The following VEPH1 variants were observed in gnomAD, a reference collection of about 807,000 sequenced individuals.
VEPH1 encodes ventricular zone expressed PH domain containing 1, also known as ventricular zone-expressed PH domain-containing protein homolog 1.
A neutral mutation model predicts 85.2 loss-of-function variants in VEPH1; 80 were observed. The ratio of observed to expected loss-of-function variants is 0.94; its 90% confidence interval spans 0.78 to 1.13. The LOEUF is 1.13. Ranked by LOEUF, VEPH1 falls within the 50% of genes most tolerant of loss-of-function variation. The pLI is 0.00. For missense variants in VEPH1, 955 were observed against 980.5 expected (o/e 0.97, Z 0.35); for synonymous variants, 297 against 348.0 (o/e 0.85, Z 1.63).
At chr3:157,385,890 C>T (rs60515336) in intron 6 of VEPH1, among the ~76,000 whole-genome samples, 10,244 of 152,126 alleles carry the variant, frequency 0.067, 510 homozygotes, top group South Asian at 0.19. Flanking sequence ...AAATATTAAG[C>T]ATTAGTCATT....
chr3:157,389,340 C>CA (rs533998108), intron 6 of VEPH1, among the ~76,000 whole-genome samples: 39 of 150,904 alleles, frequency 2.6e-4, no homozygotes, highest in African/African-American at 3.4e-4. Flanking sequence ...CAAAAACAAA[C>CA]AAAAAAAAGC....
At chr3:157,275,898 A>G (rs1437730271) in intron 12 of VEPH1, among the ~76,000 whole-genome samples, 2 of 152,118 alleles carry the variant, frequency 1.3e-5, no homozygotes, top group Admixed American at 1.3e-4. Context: ...GCAAACTATA[A>G]TTCCAGAGGA....
At chr3:157,294,719 GA>G in intron 11 of VEPH1, among the ~76,000 whole-genome samples, 1 of 152,318 alleles carries the variant, frequency 6.6e-6, no homozygotes, top group African/African-American at 2.4e-5. Context: ...TTAGGGCTGT[GA>G]AAATATTTTT....
intron 12 of VEPH1, among the ~76,000 whole-genome samples, chr3:157,267,102 C>CTTTTTTTTTTTTTT (rs10537483): frequency 9.6e-5 from 12 of 124,668 alleles, no homozygotes; most frequent in East Asian, 2.3e-4. Flanking sequence ...TCTTTTTTTT[C>CTTTTTTTTTTTTTT]TTTTTTTTTT....
At chr3:157,457,513 G>A (rs1735481756) in intron 4 of VEPH1, among the ~76,000 whole-genome samples, 1 of 152,138 alleles carries the variant, frequency 6.6e-6, no homozygotes, top group Non-Finnish European at 1.5e-5. Flanking sequence ...TGTTGGCTGT[G>A]GGTTTGCCAT....
intron 6 of VEPH1, among the ~76,000 whole-genome samples, chr3:157,388,868 A>T (rs1008652624): frequency 6.6e-6 from 1 of 152,194 alleles, no homozygotes. Flanking sequence ...GCCACTTTAT[A>T]TAAGTGATTT....
chr3:157,341,302 A>G (rs1202029106), intron 9 of VEPH1, among the ~76,000 whole-genome samples: 5 of 152,220 alleles, frequency 3.3e-5, no homozygotes. Context: ...AGGGCCAACT[A>G]GAATAACCAG....
At chr3:157,339,170 T>C (rs1382854867) in intron 9 of VEPH1, among the ~76,000 whole-genome samples, 1 of 152,204 alleles carries the variant, frequency 6.6e-6, no homozygotes, top group Non-Finnish European at 1.5e-5. Context: ...GTGGAGGTTA[T>C]TGGAAAACCA....
chr3:157,438,069 A>ACACACACACACACACACC (rs1237245016), intron 4 of VEPH1, among the ~76,000 whole-genome samples: 4 of 149,558 alleles, frequency 2.7e-5, no homozygotes, highest in Non-Finnish European at 5.9e-5. Context: ...ACACACACAC[A>ACACACACACACACACACC]CACCCCTATT....
chr3:157,483,040 A>G (rs1343216116), intron 2 of VEPH1, among the ~76,000 whole-genome samples: 15 of 151,856 alleles, frequency 9.9e-5, no homozygotes, highest in Admixed American at 9.2e-4. Context: ...CCACATAGTT[A>G]TTACTGTTAT....
chr3:157,499,690 G>A (rs1739951810), intron 1 of VEPH1: 1 of 152,164 alleles, frequency 6.6e-6, no homozygotes, highest in Non-Finnish European at 1.5e-5. Context: ...TCCAGTAAAG[G>A]AGAGTTGTTT....
At chr3:157,314,330 C>CAAAAAAAAAAAAAAAAAAAAAAAA (rs34703314) in intron 10 of VEPH1, among the ~76,000 whole-genome samples, 7 of 43,204 alleles carry the variant, frequency 1.6e-4, no homozygotes, top group Non-Finnish European at 2.5e-4. Flanking sequence ...GAGGATCCGT[C>CAAAAAAAAAAAAAAAAAAAAAAAA]AAAAAAAAAA....
chr3:157,381,358 G>T lies in VEPH1; in HGVS notation c.925C>A (p.Leu309Met). 1 of 1,614,142 alleles carries T rather than the reference G, an allele frequency of 6.2e-7. No individual in the cohort carries two copies. Among genetic ancestry groups the T allele is most frequent in the African/African-American group, 1.3e-5 (1 of 75,036 alleles). ...HVDEERARSC[L>M]TYLVSQLANM... is the part of the protein sequence containing the mutation. ...GCCAGTTGGCTCACCAGGTATGTCA[G>T]GCAGCTCCTGGCTCTCTCCTACCAA... Residue 309 changes from leucine (L) to methionine (M), a missense_variant, in exon 7 of 14, where the codon CTG becomes ATG. Leu to Met is a conservative substitution (Grantham distance 15). Coordinates refer to ENST00000362010, the MANE Select transcript of VEPH1 (RefSeq NM_001167912.2).
intron 4 of VEPH1, among the ~76,000 whole-genome samples, chr3:157,447,633 C>G (rs1364098025): frequency 7.0e-6 from 1 of 141,900 alleles, no homozygotes. Flanking sequence ...CTCACTCTGT[C>G]TCCCAGGCTG....
intron 3 of VEPH1, among the ~76,000 whole-genome samples, chr3:157,469,588 T>C (rs1470881306): frequency 6.6e-6 from 1 of 152,208 alleles, no homozygotes; most frequent in East Asian, 1.9e-4. Flanking sequence ...ATTGTGATCA[T>C]TCAAAAGGGA....
At position 157,369,179 on chromosome 3, in the gene VEPH1, T is replaced by TAA. The variant is rs1560000948; in HGVS notation, c.1128-4668_1128-4667insTT. 1.3e-3 allele frequency among the ~76,000 whole-genome samples: 20 copies of TAA among 15,054 alleles called. 1 individual carries two copies. Among genetic ancestry groups the TAA allele is most frequent in the African/African-American group, 4.1e-3 (16 of 3,870 alleles). 9.9% of individuals were successfully genotyped at this position (15,054 alleles called of 152,430 possible). On this transcript the variant is annotated intron_variant, in intron 7 of 13. Coordinates refer to ENST00000362010, the MANE Select transcript of VEPH1 (RefSeq NM_001167912.2). ...AACAACAACAACAACAAAAACCAAA[T>TAA]GAAAAAAAAAAAAAAAAAAAAAAAA...
At chr3:157,356,409 G>T (rs1045745568) in intron 9 of VEPH1, among the ~76,000 whole-genome samples, 11 of 152,130 alleles carry the variant, frequency 7.2e-5, no homozygotes, top group Non-Finnish European at 1.5e-5. Flanking sequence ...CTCTGAAAAT[G>T]AACTGTAACA....
At chr3:157,395,438 C>A (rs12492874) in intron 6 of VEPH1, among the ~76,000 whole-genome samples, 101,827 of 152,018 alleles carry the variant, frequency 0.67, 34,438 homozygotes, top group East Asian at 0.79. Context: ...TGTGAGTGGA[C>A]GTCCATGTTG....
chr3:157,279,193 C>A (rs1384039507), intron 12 of VEPH1, among the ~76,000 whole-genome samples: 1 of 152,016 alleles, frequency 6.6e-6, no homozygotes, highest in African/African-American at 2.4e-5. Flanking sequence ...CCAACAATGA[C>A]TAGCTAGGTA....
Sources: allele counts gnomAD v4.1 joint callset (sites outside exome capture counted in the v4.1 genomes callset), GRCh38; gene constraint gnomAD v4.1.1; transcripts MANE v1.5; gene names NCBI Gene and HGNC (gene_info 2026-07-23, HGNC 2026-07-21).